The following CCDC171 variants were observed in gnomAD, a reference collection of about 807,000 sequenced individuals.
CCDC171 encodes coiled-coil domain-containing protein 171.
In CCDC171, 177 loss-of-function variants were observed where a neutral mutation model predicts 168.2. The observed-to-expected ratio is 1.05, with a 90% CI of 0.93 to 1.19. CCDC171 has a LOEUF of 1.19. Among genes scored for constraint, CCDC171 ranks in the 50% most tolerant of loss-of-function variants. CCDC171 has a pLI of 0.00. For synonymous variants in CCDC171, 687 were observed against 540.8 expected (o/e 1.27, Z -3.75); for missense variants, 1,991 against 1,539.0 (o/e 1.29, Z -4.91).
intron 6 of CCDC171, among the ~76,000 whole-genome samples, chr9:15,613,556 C>G (rs548198041): frequency 6.8e-6 from 1 of 147,922 alleles, no homozygotes; most frequent in Admixed American, 6.8e-5. Flanking sequence ...TGGAGTCTCG[C>G]TCTGTCGCCA....
Position 15,973,989 on chromosome 9 carries a change from A to C in CCDC171, c.*2153A>C, listed in dbSNP as rs1175937007. On this transcript the variant is annotated 3_prime_UTR_variant, in exon 26 of 26. Coordinates refer to ENST00000380701, the MANE Select transcript of CCDC171 (RefSeq NM_173550.4). ...CTTGGTCTTCTTGCCTTGATTTTATAATCTGTTAATGGGATAACTCCAAAA... is the reference window on the plus strand; with the variant it reads ...CTTGGTCTTCTTGCCTTGATTTTATCATCTGTTAATGGGATAACTCCAAAA... 1 of 152,112 alleles carries C rather than the reference A, an allele frequency of 6.6e-6. No individual in the cohort carries two copies. The highest frequency in any genetic ancestry group is 1.5e-5 in the Non-Finnish European group (1 of 68,014). 9.4% of individuals were successfully genotyped at this position (152,112 alleles called of 1,614,324 possible).
chr9:15,595,694 C>A (rs1176301006), intron 6 of CCDC171, among the ~76,000 whole-genome samples: 1 of 151,784 alleles, frequency 6.6e-6, no homozygotes, highest in African/African-American at 2.4e-5. Context: ...AATGGTATTT[C>A]TAGTTCTAGA....
intron 23 of CCDC171, among the ~76,000 whole-genome samples, chr9:15,855,930 T>C: frequency 6.6e-6 from 1 of 151,960 alleles, no homozygotes; most frequent in Non-Finnish European, 1.5e-5. Context: ...TTTAAATCTA[T>C]AGAAGAAAAA....
intron 3 of CCDC171, among the ~76,000 whole-genome samples, chr9:15,576,168 T>C (rs2040646233): frequency 6.6e-6 from 1 of 151,624 alleles, no homozygotes; most frequent in Admixed American, 6.6e-5. Flanking sequence ...TGTATATACA[T>C]GTATATATAT....
intron 21 of CCDC171, among the ~76,000 whole-genome samples, chr9:15,812,242 T>C (rs892886900): frequency 2.0e-5 from 3 of 152,212 alleles, no homozygotes; most frequent in Non-Finnish European, 4.4e-5. Flanking sequence ...AAACCTGTTA[T>C]CTTAGATGGC....
chr9:15,726,761 A>T (rs1401589809), intron 14 of CCDC171, among the ~76,000 whole-genome samples: 1 of 152,086 alleles, frequency 6.6e-6, no homozygotes, highest in East Asian at 1.9e-4. Flanking sequence ...TCTATAATAG[A>T]CTTTCTAAAT....
intron 15 of CCDC171, among the ~76,000 whole-genome samples, 200 bp from the exon 16 acceptor site, chr9:15,729,408 AAC>A (rs1352174988): frequency 1.3e-5 from 2 of 152,180 alleles, no homozygotes; most frequent in Non-Finnish European, 2.9e-5. Context: ...ATATACAAGT[AAC>A]ACAATTTTCT....
downstream of CCDC171, among the ~76,000 whole-genome samples, chr9:16,065,864 C>A (rs1339722498): frequency 2.7e-5 from 4 of 149,520 alleles, no homozygotes; most frequent in African/African-American, 7.5e-5. Flanking sequence ...TGAGGCAACA[C>A]ATATAAAGAC....
At chr9:15,754,884 TAATA>T (rs2056000770) in intron 18 of CCDC171, among the ~76,000 whole-genome samples, 1 of 152,140 alleles carries the variant, frequency 6.6e-6, no homozygotes, top group African/African-American at 2.4e-5. Context: ...ATTAACAGAA[TAATA>T]AATAGATTTT....
chr9:15,876,691 C>T (rs1817885868), intron 24 of CCDC171, among the ~76,000 whole-genome samples: 1 of 151,916 alleles, frequency 6.6e-6, no homozygotes, highest in South Asian at 2.1e-4. Context: ...ATAGTTTATG[C>T]TGTATTGTAG....
At chr9:15,999,722 T>C (rs921047431) in intron 3 of CCDC171, among the ~76,000 whole-genome samples, 4 of 152,270 alleles carry the variant, frequency 2.6e-5, no homozygotes, top group African/African-American at 9.6e-5. Flanking sequence ...ATTCTACTGC[T>C]CCTACACTAT....
At chr9:15,864,316 T>C (rs1275654475) in intron 23 of CCDC171, among the ~76,000 whole-genome samples, 1 of 152,064 alleles carries the variant, frequency 6.6e-6, no homozygotes, top group African/African-American at 2.4e-5. Flanking sequence ...TTATTATTTC[T>C]TTTTTTATTA....
At chr9:15,884,104 C>T (rs1819064062) in intron 24 of CCDC171, among the ~76,000 whole-genome samples, 1 of 152,022 alleles carries the variant, frequency 6.6e-6, no homozygotes, top group Non-Finnish European at 1.5e-5. Context: ...GTATGTATTA[C>T]AATTCTTGTG....
At chr9:15,559,486 A>T (rs1206391572) in intron 1 of CCDC171, among the ~76,000 whole-genome samples, 1 of 152,120 alleles carries the variant, frequency 6.6e-6, no homozygotes, top group Non-Finnish European at 1.5e-5. Context: ...CCATTATGTA[A>T]TGGCCTTCTT....
chr9:15,775,508 C>G (rs145366777), intron 18 of CCDC171, among the ~76,000 whole-genome samples: 1 of 152,252 alleles, frequency 6.6e-6, no homozygotes, highest in Non-Finnish European at 1.5e-5. Context: ...TTAGTAGAGA[C>G]AAGGTTTCAC....
intron 7 of CCDC171, among the ~76,000 whole-genome samples, chr9:15,647,961 C>T (rs1457456544): frequency 1.3e-5 from 2 of 152,176 alleles, no homozygotes; most frequent in Non-Finnish European, 2.9e-5. Context: ...GAATTTTAGA[C>T]CAATGTCCCT....
At chr9:15,728,354 C>T (rs1588165415) in intron 15 of CCDC171, among the ~76,000 whole-genome samples, 1 of 152,144 alleles carries the variant, frequency 6.6e-6, no homozygotes, top group Admixed American at 6.5e-5. Flanking sequence ...ATTCAAAGAC[C>T]TTAGTCATTT....
At chr9:15,681,418 T>C (rs1245067037) in intron 10 of CCDC171, among the ~76,000 whole-genome samples, 1 of 152,084 alleles carries the variant, frequency 6.6e-6, no homozygotes, top group East Asian at 1.9e-4. Context: ...TTGCGTCTTA[T>C]TTTCTTCCAT....
intron 21 of CCDC171, among the ~76,000 whole-genome samples, chr9:15,788,384 C>T (rs895572384): frequency 6.6e-6 from 1 of 151,982 alleles, no homozygotes; most frequent in Admixed American, 6.6e-5. Context: ...TTCAGTAATG[C>T]TTTAAAAAAT....
Sources: allele counts gnomAD v4.1 joint callset (sites outside exome capture counted in the v4.1 genomes callset), GRCh38; gene constraint gnomAD v4.1.1; transcripts MANE v1.5; gene names NCBI Gene and HGNC (gene_info 2026-07-23, HGNC 2026-07-21).